The following SLC6A17 variants were observed in gnomAD, a reference collection of about 807,000 sequenced individuals.
SLC6A17 encodes the protein solute carrier family 6 member 17.
In SLC6A17, 21 loss-of-function variants were observed where a neutral mutation model predicts 64.5. That is an observed-to-expected ratio of 0.33 (90% CI 0.23 to 0.47). The LOEUF is 0.47. Ranked by LOEUF, SLC6A17 falls within the 20% of genes least tolerant of loss-of-function variation. The pLI is 1.00. For missense variants in SLC6A17, 682 were observed against 963.2 expected, an observed-to-expected ratio of 0.71 and a Z score of 3.86; for synonymous variants, 372 against 399.5, an observed-to-expected ratio of 0.93 and a Z score of 0.82.
chr1:110,173,304 G>A (rs545492741), intron 3 of SLC6A17, among the ~76,000 whole-genome samples: 12 of 152,354 alleles, frequency 7.9e-5, no homozygotes, highest in African/African-American at 2.9e-4. Flanking sequence ...GCAGGAGACA[G>A]CCAGGCCTCT....
At chr1:110,175,029 A>G in intron 5 of SLC6A17, 69 bp downstream of exon 5, 2 of 1,539,242 alleles carry the variant, frequency 1.3e-6, no homozygotes, top group South Asian at 1.3e-5. Flanking sequence ...GCACAGGGCT[A>G]AGAATTCCAG....
intron 10 of SLC6A17, among the ~76,000 whole-genome samples, chr1:110,196,333 C>T (rs1656967692): frequency 6.6e-6 from 1 of 152,220 alleles, no homozygotes; most frequent in Non-Finnish European, 1.5e-5. Flanking sequence ...TCAGCATCGA[C>T]CATGACCACA....
chr1:110,180,876 G>C (rs1032297625), intron 6 of SLC6A17, among the ~76,000 whole-genome samples: 1 of 152,176 alleles, frequency 6.6e-6, no homozygotes, highest in African/African-American at 2.4e-5. Context: ...TGTGGGAGAA[G>C]CATAGGCTCT....
rs1190757709 is a variant in SLC6A17, at chr1:110,191,952, G to T, written c.865-20G>T. The stretch of plus-strand genomic sequence containing the variant: ...CCTCTGTGTCTCTTTTCTTCCTCCT[G>T]CCTTGGTCTTCTGCCATAGCTGGAC... On this transcript the variant is annotated intron_variant, in intron 6 of 11. Coordinates refer to ENST00000331565, the MANE Select transcript of SLC6A17 (RefSeq NM_001010898.4). 1 of 1,609,406 alleles carries T rather than the reference G, an allele frequency of 6.2e-7. No homozygotes were observed. Among genetic ancestry groups the T allele is most frequent in the Non-Finnish European group, 8.5e-7 (1 of 1,176,616 alleles).
At chr1:110,186,699 T>C (rs1457030975) in intron 6 of SLC6A17, among the ~76,000 whole-genome samples, 1 of 152,070 alleles carries the variant, frequency 6.6e-6, no homozygotes, top group Non-Finnish European at 1.5e-5. Flanking sequence ...GACTCTTTCC[T>C]TCTCTCACAC....
Position 110,160,996 on chromosome 1 carries a change from C to T in SLC6A17, c.-87-5847C>T, listed in dbSNP as rs368653591. 2.0e-5 allele frequency among the ~76,000 whole-genome samples: 3 copies of T among 152,200 alleles called. No individual in the cohort carries two copies. In the East Asian group the frequency reaches 5.8e-4, roughly 29 times the overall value. On this transcript the variant is annotated intron_variant, in intron 1 of 11. Coordinates refer to ENST00000331565, the MANE Select transcript of SLC6A17 (RefSeq NM_001010898.4). ...GGTGGGAAGAGGACAGAGCTGAGCACGCCTACAGGACTTGCAACACCTGGT... is the reference window on the plus strand; with the variant it reads ...GGTGGGAAGAGGACAGAGCTGAGCATGCCTACAGGACTTGCAACACCTGGT...
chr1:110,172,174 A>G lies in SLC6A17; in HGVS notation c.401A>G (p.Tyr134Cys), dbSNP rs780649225. 11 of 1,610,136 alleles carry G rather than the reference A, an allele frequency of 6.8e-6. No homozygotes were observed. The highest frequency in any genetic ancestry group is 3.3e-5 in the South Asian group (3 of 90,338). Residue 134 changes from tyrosine (Y) to cysteine (C), a missense_variant, in exon 3 of 12, where the codon TAT (tyrosine) becomes TGT (cysteine). By Grantham distance (194) the Tyr-to-Cys change is radical. This residue lies in a region of SLC6A17 where 415 missense variants were observed against 603.8 expected (regional missense o/e 0.69). Transcript: ENST00000331565. ...IRRGSIGVWH[Y>C]ICPRLGGIGF... ...CGCGGCAGCATCGGTGTGTGGCACT[A>G]TATATGTCCCCGCCTGGGGGGCATC...
chr1:110,167,076 G>A lies in SLC6A17; in HGVS notation c.147G>A (p.Lys49=), dbSNP rs762766333. 24 of 1,610,948 alleles carry A rather than the reference G, an allele frequency of 1.5e-5. No homozygotes were observed. Among genetic ancestry groups the A allele is most frequent in the Non-Finnish European group, 2.0e-5 (23 of 1,178,956 alleles). ...NVAGEAGGKQ[K]AVEEELDAED... The stretch of plus-strand genomic sequence containing the variant: ...CTGGTGAGGCAGGCGGCAAGCAGAA[G>A]GCGGTGGAGGAGGAGCTGGATGCAG... The change falls in exon 2 of 12, where the codon AAG becomes AAA. Residue 49 remains lysine, a synonymous_variant. Coordinates refer to ENST00000331565, the MANE Select transcript of SLC6A17 (RefSeq NM_001010898.4).
At chr1:110,170,377 G>A (rs925500164) in intron 2 of SLC6A17, among the ~76,000 whole-genome samples, 2 of 152,164 alleles carry the variant, frequency 1.3e-5, no homozygotes, top group Non-Finnish European at 2.9e-5. Context: ...CCAGCTACTC[G>A]AGAGGCTGAG....
rs75735180 is a variant in SLC6A17 at position 110,152,554 on chromosome 1, G to A, written c.-88+1671G>A. 2.6e-3 allele frequency among the ~76,000 whole-genome samples: 398 copies of A among 152,290 alleles called. 2 individuals are homozygous for A. Among genetic ancestry groups the A allele is most frequent in the Non-Finnish European group, 4.4e-3 (297 of 68,020 alleles). Reference sequence around the variant, plus strand: ...AGCAGAGCTCTGGCTGTTGAGCAAGGGTCCTGGAGCTCTGACTCCTTGGGA... The same window carrying A: ...AGCAGAGCTCTGGCTGTTGAGCAAGAGTCCTGGAGCTCTGACTCCTTGGGA... On this transcript the variant is annotated intron_variant, in intron 1 of 11. Transcript: ENST00000331565.
At chr1:110,184,369 T>C (rs1220938413) in intron 6 of SLC6A17, among the ~76,000 whole-genome samples, 2 of 152,204 alleles carry the variant, frequency 1.3e-5, no homozygotes, top group South Asian at 2.1e-4. Flanking sequence ...CCTCCCAAAG[T>C]GCTGGGATTA....
In SLC6A17 at chr1:110,192,416, T is replaced by A. The variant is rs1656851785; in HGVS notation, c.1107-90T>A. The A allele has an allele frequency of 1.3e-5, 20 of 1,493,232 alleles. 1 individual carries two copies. The South Asian group carries it at 2.4e-4, about 18-fold the overall frequency. 92.5% of individuals were successfully genotyped at this position (1,493,232 alleles called of 1,614,324 possible). On this transcript the variant is annotated intron_variant, in intron 7 of 11. Transcript: ENST00000331565. The surrounding 1 kb of genome is among the most constrained non-coding windows in gnomAD (Gnocchi z 4.3). ...TGCCTCTGTCAGTGACCCATGAGGT[T>A]CCCACCTGGGTGCCTGGGAAGAGCC...
In SLC6A17 at chr1:110,166,868, G is replaced by A. The variant is rs1656072474; in HGVS notation, c.-62G>A. The A allele has an allele frequency of 1.2e-5, 18 of 1,527,822 alleles. No homozygotes were observed. The highest frequency in any genetic ancestry group is 1.6e-5 in the Non-Finnish European group (18 of 1,133,816). The allele number at this position is 1,527,822 out of a possible 1,614,324, so 94.6% of individuals were successfully genotyped here. On this transcript the variant is annotated 5_prime_UTR_variant, in exon 2 of 12. Coordinates refer to ENST00000331565, the MANE Select transcript of SLC6A17 (RefSeq NM_001010898.4). ...GTCCCTGAATGAGAAGGAGCTGACA[G>A]CAGCTGAATTCCATCTTCTCTGTGT...
intron 6 of SLC6A17, among the ~76,000 whole-genome samples, chr1:110,186,928 G>A (rs567715488): frequency 1.3e-5 from 2 of 152,306 alleles, no homozygotes; most frequent in South Asian, 4.1e-4. Flanking sequence ...GTGAGTAGGA[G>A]GAAGGGAATT....
chr1:110,154,339 C>A (rs989162667), intron 1 of SLC6A17, among the ~76,000 whole-genome samples: 1 of 152,218 alleles, frequency 6.6e-6, no homozygotes, highest in African/African-American at 2.4e-5. Flanking sequence ...ATGTTCCTAA[C>A]CTCTATGTGA....
Position 110,198,475 on chromosome 1 carries a change from C to T in SLC6A17, c.*31C>T, listed in dbSNP as rs772130010. 1.3e-5 allele frequency: 21 copies of T among 1,576,140 alleles called. No homozygotes were observed. In the East Asian group the frequency reaches 4.3e-4, roughly 32 times the overall value. Reference sequence around the variant, plus strand: ...GCCCAAGCCCTGCCCGCCTCTCCCCCCACGCTCAACCTGCCCACTTGTCCA... The same window carrying T: ...GCCCAAGCCCTGCCCGCCTCTCCCCTCACGCTCAACCTGCCCACTTGTCCA... On this transcript the variant is annotated 3_prime_UTR_variant, in exon 12 of 12. Coordinates refer to ENST00000331565, the MANE Select transcript of SLC6A17 (RefSeq NM_001010898.4).
intron 6 of SLC6A17, among the ~76,000 whole-genome samples, chr1:110,188,705 C>CA (rs1656750110): frequency 3.3e-5 from 5 of 152,068 alleles, no homozygotes. Context: ...AAAACAAAAA[C>CA]AAAAAAGAAA....
intron 6 of SLC6A17, among the ~76,000 whole-genome samples, chr1:110,191,353 C>A (rs1011511112): frequency 6.6e-6 from 1 of 152,180 alleles, no homozygotes; most frequent in Non-Finnish European, 1.5e-5. Context: ...TGTTGCAGTT[C>A]GGGCTCCTGT....
Position 110,194,813 on chromosome 1 carries a change from C to A in SLC6A17, c.1492+42C>A, listed in dbSNP as rs1401366529. On this transcript the variant is annotated intron_variant, in intron 9 of 11. Coordinates refer to ENST00000331565, the MANE Select transcript of SLC6A17 (RefSeq NM_001010898.4). ...CCCATGCCCAGGCTCTGCAGGCTGC[C>A]CTTGTGGACAACAATTCCGTTCTGG... 3 of 1,603,818 alleles carry A rather than the reference C, an allele frequency of 1.9e-6. No homozygotes were observed. The Admixed American group carries it at 5.0e-5, about 27-fold the overall frequency.
Sources: allele counts gnomAD v4.1 joint callset (sites outside exome capture counted in the v4.1 genomes callset), GRCh38; gene constraint gnomAD v4.1.1; regional missense constraint gnomAD v4.1.1; non-coding constraint Gnocchi (gnomAD v3.1); transcripts MANE v1.5; gene names NCBI Gene and HGNC (gene_info 2026-07-23, HGNC 2026-07-21).